PDE4D: variants seen among roughly 807,000 people sequenced by gnomAD.
The protein encoded by PDE4D is 3',5'-cyclic-AMP phosphodiesterase 4D.
PDE4D carries 24 observed loss-of-function variants against 87.4 expected under a neutral mutation model. That is an observed-to-expected ratio of 0.27 (90% CI 0.20 to 0.39). The LOEUF is 0.39. PDE4D is among the 10% of genes least tolerant of loss of function. The probability of loss-of-function intolerance (pLI) is 1.00; values close to 1 mark genes in which losing one functional copy is unlikely to be tolerated. For synonymous variants in PDE4D, 384 were observed against 383.2 expected (o/e 1.00, Z -0.02); for missense variants, 714 against 1,041.0 (o/e 0.69, Z 4.32).
chr5:60,377,806 G>GA (rs1183633711), intron 1 of PDE4D, among the ~76,000 whole-genome samples: 1 of 151,536 alleles, frequency 6.6e-6, no homozygotes, highest in Non-Finnish European at 1.5e-5. Flanking sequence ...TATTCAAATG[G>GA]AAAAAAAAGC....
chr5:60,354,574 A>G (rs1356482401), intron 1 of PDE4D, among the ~76,000 whole-genome samples: 2 of 152,194 alleles, frequency 1.3e-5, no homozygotes, highest in Admixed American at 6.5e-5. Flanking sequence ...ATGCCCACAT[A>G]AGGCAAACAT....
intron 1 of PDE4D, among the ~76,000 whole-genome samples, chr5:60,401,335 T>C (rs1741064909): frequency 6.6e-6 from 1 of 152,194 alleles, no homozygotes; most frequent in Non-Finnish European, 1.5e-5. Flanking sequence ...CTTGAATATA[T>C]AACACACTTC....
intron 1 of PDE4D, among the ~76,000 whole-genome samples, chr5:59,401,069 T>C (rs1474439069): frequency 1.3e-5 from 2 of 152,204 alleles, no homozygotes; most frequent in Non-Finnish European, 2.9e-5. Context: ...ACAAACTTTG[T>C]TTCATGCACA....
intron 1 of PDE4D, among the ~76,000 whole-genome samples, chr5:59,288,958 T>C (rs1403802136): frequency 6.6e-6 from 1 of 152,050 alleles, no homozygotes; most frequent in African/African-American, 2.4e-5. Context: ...CTCTTCAATC[T>C]GAAAGAAAAG....
intron 2 of PDE4D, among the ~76,000 whole-genome samples, chr5:60,013,890 G>A (rs963854294): frequency 4.0e-5 from 6 of 151,874 alleles, no homozygotes; most frequent in African/African-American, 7.3e-5. Flanking sequence ...GCAAGAGACC[G>A]AGACCATCCT....
chr5:59,713,136 A>G (rs1365161594), intron 1 of PDE4D, among the ~76,000 whole-genome samples: 1 of 152,248 alleles, frequency 6.6e-6, no homozygotes, highest in African/African-American at 2.4e-5. Context: ...ACAATAAGTG[A>G]ACATTTGAGA....
intron 1 of PDE4D, among the ~76,000 whole-genome samples, chr5:59,452,469 G>A (rs973748146): frequency 1.3e-5 from 2 of 152,146 alleles, no homozygotes; most frequent in Non-Finnish European, 2.9e-5. Context: ...AGCAACTACC[G>A]CCCCTGGACT....
At chr5:59,856,451 C>A (rs1745456344) in intron 1 of PDE4D, among the ~76,000 whole-genome samples, 1 of 152,156 alleles carries the variant, frequency 6.6e-6, no homozygotes, top group Non-Finnish European at 1.5e-5. Context: ...GCATAAATCT[C>A]CCACACATCA....
chr5:60,480,153 C>T (rs1748619851), intron 1 of PDE4D, among the ~76,000 whole-genome samples: 1 of 152,066 alleles, frequency 6.6e-6, no homozygotes, highest in African/African-American at 2.4e-5. Context: ...AGGAAGATTC[C>T]ATTTAATCTC....
intron 1 of PDE4D, among the ~76,000 whole-genome samples, chr5:59,703,300 C>T (rs1752880622): frequency 6.6e-6 from 1 of 152,120 alleles, no homozygotes; most frequent in Non-Finnish European, 1.5e-5. Flanking sequence ...CTCACTTCAG[C>T]CTTGAGGTAC....
intron 5 of PDE4D, among the ~76,000 whole-genome samples, chr5:59,062,895 T>C (rs1259932984): frequency 1.3e-5 from 2 of 151,496 alleles, no homozygotes; most frequent in East Asian, 3.9e-4. Context: ...TAAGTGACAC[T>C]TACTATACTT....
intron 6 of PDE4D, among the ~76,000 whole-genome samples, chr5:59,004,135 T>TAAA (rs139532588): frequency 0.2 from 30,257 of 151,024 alleles, 3,354 homozygotes; most frequent in East Asian, 0.52. Context: ...CTACATAGAT[T>TAAA]TAAAAAAAAA....
At chr5:59,918,049 A>C (rs1206357094) in intron 3 of PDE4D, among the ~76,000 whole-genome samples, 1 of 152,042 alleles carries the variant, frequency 6.6e-6, no homozygotes, top group East Asian at 1.9e-4. Context: ...TCAATTACAC[A>C]AAAAAGAGAA....
At chr5:59,239,242 G>T (rs1757139954) in intron 1 of PDE4D, among the ~76,000 whole-genome samples, 1 of 152,190 alleles carries the variant, frequency 6.6e-6, no homozygotes, top group South Asian at 2.1e-4. Flanking sequence ...GGTAGAAAGT[G>T]TGTTCTTCAA....
At chr5:60,456,395 A>T (rs1583825259) in intron 1 of PDE4D, among the ~76,000 whole-genome samples, 1 of 152,212 alleles carries the variant, frequency 6.6e-6, no homozygotes, top group African/African-American at 2.4e-5. Flanking sequence ...TTCTGCCTTA[A>T]CCTGGGTTAG....
chr5:59,427,845 A>G (rs981298667), intron 1 of PDE4D, among the ~76,000 whole-genome samples: 6 of 151,604 alleles, frequency 4.0e-5, no homozygotes, highest in African/African-American at 1.2e-4. Context: ...AGAAATTGCT[A>G]TACTAAAATT....
At chr5:59,390,148 G>C (rs1010585627) in intron 1 of PDE4D, among the ~76,000 whole-genome samples, 5 of 151,932 alleles carry the variant, frequency 3.3e-5, no homozygotes, top group African/African-American at 1.2e-4. Flanking sequence ...AATATTTACA[G>C]TAAAAAGGAG....
At chr5:59,409,692 T>C (rs888170182) in intron 1 of PDE4D, among the ~76,000 whole-genome samples, 6 of 152,200 alleles carry the variant, frequency 3.9e-5, no homozygotes, top group African/African-American at 1.4e-4. Context: ...AGCACCATGC[T>C]TGTACATCCT....
intron 1 of PDE4D, among the ~76,000 whole-genome samples, chr5:59,352,392 A>G (rs117398728): frequency 1.3e-5 from 2 of 152,296 alleles, no homozygotes; most frequent in East Asian, 3.9e-4. Context: ...AAAAAGTGCT[A>G]TGCAACAGGA....
Sources: allele counts gnomAD v4.1 joint callset (sites outside exome capture counted in the v4.1 genomes callset), GRCh38; gene constraint gnomAD v4.1.1; transcripts MANE v1.5; gene names NCBI Gene and HGNC (gene_info 2026-07-23, HGNC 2026-07-21).